SHISAL1: variants seen among roughly 807,000 people sequenced by gnomAD.
SHISAL1 encodes the protein shisa like 1, also known as protein shisa-like-1.
SHISAL1 carries 9 observed loss-of-function variants against 22.6 expected under a neutral mutation model. That is an observed-to-expected ratio of 0.40 (90% CI 0.24 to 0.70). SHISAL1 has a LOEUF of 0.70. SHISAL1 is among the 30% of genes least tolerant of loss of function. SHISAL1 has a pLI of 0.39. For missense variants in SHISAL1, 246 were observed against 270.6 expected, an observed-to-expected ratio of 0.91 and a Z score of 0.64; for synonymous variants, 119 against 115.4, an observed-to-expected ratio of 1.03 and a Z score of -0.20.
At chr22:44,331,687 C>T in the SHISAL1 span, among the ~76,000 whole-genome samples, 2,470 of 148,350 alleles carry the variant, frequency 0.017, 28 homozygotes, top group Non-Finnish European at 0.029. The surrounding 1 kb of genome is among the most constrained non-coding windows in gnomAD (Gnocchi z 5.2). Flanking sequence ...AAGGCGCCCG[C>T]TCCTAGGCGC....
At chr22:44,274,808 T>G (rs936498489) in intron 4 of SHISAL1, among the ~76,000 whole-genome samples, 8 of 152,220 alleles carry the variant, frequency 5.3e-5, no homozygotes, top group African/African-American at 1.9e-4. Context: ...GGCTTTTCTT[T>G]TCCTATTTTT....
intron 4 of SHISAL1, among the ~76,000 whole-genome samples, chr22:44,277,815 A>C (rs958290549): frequency 1.3e-5 from 2 of 152,174 alleles, no homozygotes; most frequent in African/African-American, 4.8e-5. Context: ...GTGGTTATGA[A>C]CACTTTTCCA....
At chr22:44,284,313 G>C (rs1256046611) in intron 4 of SHISAL1, among the ~76,000 whole-genome samples, 1 of 152,068 alleles carries the variant, frequency 6.6e-6, no homozygotes, top group Non-Finnish European at 1.5e-5. Context: ...GGAGGGGGCA[G>C]TCTTACCCAC....
In SHISAL1 at chr22:44,246,188, A is replaced by C. The variant is rs2054999311; in HGVS notation, c.*3497T>G. 6.6e-6 allele frequency: 1 copy of C among 151,942 alleles called. No individual in the cohort carries two copies. The highest frequency in any genetic ancestry group is 1.5e-5 in the Non-Finnish European group (1 of 68,056). 9.4% of individuals were successfully genotyped at this position (151,942 alleles called of 1,614,324 possible). ...CAGGCATTACCAGCTATTGGTTCTG[A>C]ATAGAGATTCTGAAACACACAACAA... On this transcript the variant is annotated 3_prime_UTR_variant, in exon 5 of 5. Coordinates refer to ENST00000381176, the MANE Select transcript of SHISAL1 (RefSeq NM_001099294.2).
chr22:44,300,922 G>C lies in SHISAL1; in HGVS notation c.24C>G (p.Ser8=), dbSNP rs1413073178. The C allele has an allele frequency of 6.2e-7, 1 of 1,614,182 alleles. No individual in the cohort carries two copies. The highest frequency in any genetic ancestry group is 8.5e-7 in the Non-Finnish European group (1 of 1,180,022). ...AGAAGAGGACGGCGAGCACGTTCAA[G>C]GACTGCTGGCCACAACTGGTCATCG... MTSCGQQ[S]LNVLAVLFSL... The change falls in exon 2 of 5, where the codon TCC becomes TCG. Residue 8 remains serine (S), a synonymous_variant. Coordinates refer to ENST00000381176, the MANE Select transcript of SHISAL1 (RefSeq NM_001099294.2).
chr22:44,316,994 G>A (rs886511351), upstream of SHISAL1, among the ~76,000 whole-genome samples: 5 of 152,178 alleles, frequency 3.3e-5, no homozygotes, highest in Admixed American at 6.5e-5. Context: ...TTGCCTTTAG[G>A]CCAATCAACT....
chr22:44,285,094 A>G (rs1177878431), intron 4 of SHISAL1, among the ~76,000 whole-genome samples: 1 of 152,178 alleles, frequency 6.6e-6, no homozygotes, highest in Admixed American at 6.5e-5. Flanking sequence ...ACAACTCAAA[A>G]AGCCATCCGG....
intron 4 of SHISAL1, among the ~76,000 whole-genome samples, chr22:44,266,530 G>GTGTGTA (rs1555926277): frequency 8.1e-6 from 1 of 124,126 alleles, no homozygotes; most frequent in African/African-American, 4.5e-5. Flanking sequence ...TTTGGGGTAT[G>GTGTGTA]TGTGTGTGTG....
chr22:44,307,637 A>G (rs913294872), intron 1 of SHISAL1, among the ~76,000 whole-genome samples: 6 of 152,166 alleles, frequency 3.9e-5, no homozygotes, highest in African/African-American at 4.8e-5. Flanking sequence ...TTGTTTGACC[A>G]TGGCCAGAAT....
chr22:44,303,237 C>T (rs1601803826), intron 1 of SHISAL1, among the ~76,000 whole-genome samples: 1 of 151,900 alleles, frequency 6.6e-6, no homozygotes, highest in Non-Finnish European at 1.5e-5. Flanking sequence ...TCCCTGGTGG[C>T]ACCCTGTTAT....
At chr22:44,270,472 T>TTA (rs1433673187) in intron 4 of SHISAL1, among the ~76,000 whole-genome samples, 1 of 152,144 alleles carries the variant, frequency 6.6e-6, no homozygotes, top group African/African-American at 2.4e-5. Flanking sequence ...AATAGGGCAT[T>TTA]TATGATAGGG....
intron 3 of SHISAL1, among the ~76,000 whole-genome samples, chr22:44,291,945 G>A (rs1235927017): frequency 1.3e-5 from 2 of 152,126 alleles, no homozygotes; most frequent in African/African-American, 4.8e-5. Context: ...CAGGGCCCCT[G>A]CCCCACCCCT....
intron 4 of SHISAL1, among the ~76,000 whole-genome samples, chr22:44,256,203 C>A (rs529056158): frequency 4.6e-5 from 7 of 151,866 alleles, no homozygotes; most frequent in Non-Finnish European, 8.8e-5. Flanking sequence ...GAACTCACAC[C>A]ATCAGCTCTC....
chr22:44,305,489 G>A (rs942457974), intron 1 of SHISAL1, among the ~76,000 whole-genome samples: 11 of 152,250 alleles, frequency 7.2e-5, no homozygotes, highest in African/African-American at 2.7e-4. Flanking sequence ...TTCCAGAGAT[G>A]AACGCACACT....
At chr22:44,298,682 G>A (rs981388297) in intron 2 of SHISAL1, among the ~76,000 whole-genome samples, 10 of 152,236 alleles carry the variant, frequency 6.6e-5, no homozygotes, top group African/African-American at 2.2e-4. Flanking sequence ...AGGGAGGGAA[G>A]GGACAGAGCG....
At chr22:44,249,916 T>G (rs751616644) in intron 4 of SHISAL1, among the ~76,000 whole-genome samples, 1 of 152,098 alleles carries the variant, frequency 6.6e-6, no homozygotes, top group Non-Finnish European at 1.5e-5. Context: ...ACAAGAAAAA[T>G]AAGCATAGAA....
chr22:44,284,084 G>A (rs899620875), intron 4 of SHISAL1, among the ~76,000 whole-genome samples: 23 of 152,134 alleles, frequency 1.5e-4, no homozygotes, highest in African/African-American at 5.6e-4. Flanking sequence ...ACACAGGGCT[G>A]TGTCTTTGTC....
chr22:44,329,800 G>A, the SHISAL1 span, among the ~76,000 whole-genome samples: 2 of 152,190 alleles, frequency 1.3e-5, no homozygotes, highest in African/African-American at 2.4e-5. Context: ...CATGGAGATT[G>A]TACTGGTTGA....
At chr22:44,249,765 G>A (rs1157285945) in intron 4 of SHISAL1, 80 bp from the exon 5 acceptor site, 5 of 769,546 alleles carry the variant, frequency 6.5e-6, no homozygotes, top group African/African-American at 3.4e-5. Flanking sequence ...AGTGCCGGAA[G>A]AAGCCAGGTT....
Sources: gnomAD v4.1 joint callset for allele counts (sites outside exome capture counted in the v4.1 genomes callset) on GRCh38, gnomAD v4.1.1 for gene constraint, Gnocchi (gnomAD v3.1) non-coding constraint, MANE v1.5 for transcripts, NCBI Gene and HGNC (gene_info 2026-07-23, HGNC 2026-07-21) for gene names.